Variants in HBS1L observed in about 807,000 individuals in gnomAD.
The protein encoded by HBS1L is HBS1 like translational GTPase, also known as HBS1-like protein.
Under a neutral mutation model 88.9 loss-of-function variants are expected in HBS1L, and 55 were observed. The ratio of observed to expected loss-of-function variants is 0.62; its 90% confidence interval spans 0.50 to 0.77. The LOEUF (loss-of-function observed/expected upper bound fraction) is 0.77, where lower values mean the gene tolerates loss of function less well. Ranked by LOEUF, HBS1L falls within the 30% of genes least tolerant of loss-of-function variation. The pLI is 0.00. For missense variants in HBS1L, 741 were observed against 829.3 expected (o/e 0.89, Z 1.31); for synonymous variants, 267 against 288.5 (o/e 0.93, Z 0.76).
At chr6:135,034,803 A>G (rs138566814) in intron 4 of HBS1L, among the ~76,000 whole-genome samples, 92 of 152,346 alleles carry the variant, frequency 6.0e-4, no homozygotes, top group African/African-American at 2.1e-3. Context: ...CAAGTTGGTC[A>G]GATGTTATTC....
chr6:135,032,733 A>T (rs1327959905), intron 4 of HBS1L, among the ~76,000 whole-genome samples: 2 of 152,136 alleles, frequency 1.3e-5, no homozygotes, highest in Non-Finnish European at 1.5e-5. Context: ...TTTACTTACA[A>T]AAAATGAGCA....
At chr6:134,968,886 A>G (rs1286805322) in intron 16 of HBS1L, among the ~76,000 whole-genome samples, 1 of 152,226 alleles carries the variant, frequency 6.6e-6, no homozygotes, top group Non-Finnish European at 1.5e-5. Context: ...CACGCAGTAG[A>G]AATTTGGAAC....
chr6:134,988,189 C>T (rs922679394), intron 8 of HBS1L, among the ~76,000 whole-genome samples: 4 of 151,926 alleles, frequency 2.6e-5, no homozygotes, highest in African/African-American at 9.7e-5. Context: ...TATGGTGAAA[C>T]CCCATCTCTG....
In HBS1L at chr6:135,012,636, A is replaced by G. The variant is rs62431120; in HGVS notation, c.431-9794T>C. On this transcript the variant is annotated intron_variant, in intron 4 of 17. Transcript: ENST00000367837. ...AAATTTAGTCTTTAACACGACCGCAATTTACCCCTCAAGATCCACCTCTTC... is the reference window on the plus strand; with the variant it reads ...AAATTTAGTCTTTAACACGACCGCAGTTTACCCCTCAAGATCCACCTCTTC... Among the ~76,000 whole-genome samples, 477 of 152,216 alleles carry G rather than the reference A, an allele frequency of 3.1e-3. 1 individual carries two copies. Among genetic ancestry groups the G allele is most frequent in the Middle Eastern group, 0.017 (5 of 294 alleles).
At chr6:135,005,531 CTTTAGATAGGGAT>C (rs981592541) in intron 4 of HBS1L, among the ~76,000 whole-genome samples, 3 of 152,122 alleles carry the variant, frequency 2.0e-5, no homozygotes, top group African/African-American at 7.2e-5. Context: ...GCCCTAAGGG[CTTTAGATAGGGAT>C]TTCATTTGTA....
chr6:134,990,877 T>C (rs867472492), intron 8 of HBS1L, among the ~76,000 whole-genome samples: 2 of 152,156 alleles, frequency 1.3e-5, no homozygotes, highest in African/African-American at 4.8e-5. Flanking sequence ...TTATAATAAC[T>C]GTGGACTCTA....
chr6:135,043,323 C>A (rs1191355616), intron 2 of HBS1L, among the ~76,000 whole-genome samples: 2 of 152,118 alleles, frequency 1.3e-5, no homozygotes, highest in African/African-American at 4.8e-5. Context: ...TATTATCTAG[C>A]TTTCTATAAG....
intron 4 of HBS1L, among the ~76,000 whole-genome samples, chr6:135,010,767 A>G (rs145635356): frequency 3.3e-5 from 5 of 152,318 alleles, no homozygotes; most frequent in African/African-American, 1.2e-4. Context: ...CATCTGGAAG[A>G]GTAAATGTAA....
At chr6:135,016,240 G>A (rs751344273) in intron 4 of HBS1L, among the ~76,000 whole-genome samples, 6 of 152,108 alleles carry the variant, frequency 3.9e-5, no homozygotes, top group Non-Finnish European at 7.4e-5. Flanking sequence ...TTTAAGTGAG[G>A]TTAACCATCA....
At chr6:134,987,470 TCTTA>T (rs1775010846) in intron 9 of HBS1L, among the ~76,000 whole-genome samples, 171 bp downstream of exon 9, 1 of 152,164 alleles carries the variant, frequency 6.6e-6, no homozygotes. Flanking sequence ...GAAGACATTT[TCTTA>T]CTTAAAAATT....
At chr6:135,053,004 A>G (rs1344973229) in intron 1 of HBS1L, among the ~76,000 whole-genome samples, 1 of 152,232 alleles carries the variant, frequency 6.6e-6, no homozygotes, top group Non-Finnish European at 1.5e-5. Context: ...ACTGGACCTT[A>G]ATGAGTACAA....
intron 15 of HBS1L, among the ~76,000 whole-genome samples, 154 bp from the exon 16 acceptor site, chr6:134,969,492 A>G (rs1774420585): frequency 1.3e-5 from 2 of 152,158 alleles, no homozygotes; most frequent in South Asian, 4.1e-4. Flanking sequence ...CACTCTAATC[A>G]GGTGGTTACT....
chr6:135,051,012 G>T (rs928777147), intron 1 of HBS1L, among the ~76,000 whole-genome samples: 1 of 152,140 alleles, frequency 6.6e-6, no homozygotes, highest in Non-Finnish European at 1.5e-5. Flanking sequence ...TGGATCATGA[G>T]GTCAGGAGTT....
Position 135,012,490 on chromosome 6 carries a change from T to C in HBS1L, c.431-9648A>G, listed in dbSNP as rs570449868. 2.0e-5 allele frequency among the ~76,000 whole-genome samples: 3 copies of C among 152,344 alleles called. No homozygotes were observed. In the East Asian group the frequency reaches 5.8e-4, roughly 29 times the overall value. ...TGACTTGTGCCTGTAGTATCTGATA[T>C]GGTGTCTCTGCTTTCTATCTCTAGC... is the stretch of plus-strand genomic sequence containing the variant. On this transcript the variant is annotated intron_variant, in intron 4 of 17. Coordinates refer to ENST00000367837, the MANE Select transcript of HBS1L (RefSeq NM_006620.4).
At chr6:134,997,166 C>T (rs142805310) in intron 6 of HBS1L, among the ~76,000 whole-genome samples, 1 of 152,178 alleles carries the variant, frequency 6.6e-6, no homozygotes, top group African/African-American at 2.4e-5. Flanking sequence ...CAACAAGACA[C>T]GCCAATTTCA....
At chr6:134,990,806 C>T (rs1205778379) in intron 8 of HBS1L, among the ~76,000 whole-genome samples, 4 of 152,196 alleles carry the variant, frequency 2.6e-5, no homozygotes, top group Non-Finnish European at 5.9e-5. Flanking sequence ...CCCACCTCAG[C>T]CTCCCAAAGT....
chr6:134,986,897 C>A, intron 9 of HBS1L, 87 bp from the exon 10 acceptor site: 1 of 485,956 alleles, frequency 2.1e-6, no homozygotes. Context: ...ATAATCAAGA[C>A]TATATAAAAT....
intron 4 of HBS1L, among the ~76,000 whole-genome samples, chr6:135,039,345 A>G (rs749061113): frequency 1.3e-5 from 2 of 151,856 alleles, no homozygotes; most frequent in African/African-American, 2.4e-5. Flanking sequence ...ACAAACAAAA[A>G]CAATCAAGCA....
chr6:135,003,111 T>C (rs1321061310), intron 4 of HBS1L, among the ~76,000 whole-genome samples: 1 of 152,144 alleles, frequency 6.6e-6, no homozygotes, highest in Non-Finnish European at 1.5e-5. Flanking sequence ...TAAGTTTCAG[T>C]ATTAAGAGGT....
Sources: gnomAD v4.1 joint callset for allele counts (sites outside exome capture counted in the v4.1 genomes callset) on GRCh38, gnomAD v4.1.1 for gene constraint, MANE v1.5 for transcripts, NCBI Gene and HGNC (gene_info 2026-07-23, HGNC 2026-07-21) for gene names.